The following EXOC4 variants were observed in gnomAD, a reference collection of about 807,000 sequenced individuals.
The protein encoded by EXOC4 is exocyst complex component 4.
EXOC4 carries 71 observed loss-of-function variants against 107.2 expected under a neutral mutation model. The ratio of observed to expected loss-of-function variants is 0.66; its 90% CI spans 0.55 to 0.81. The LOEUF (loss-of-function observed/expected upper bound fraction) is 0.81. Among genes scored for constraint, EXOC4 ranks in the 30% least tolerant of loss-of-function variants. EXOC4 has a pLI of 0.00. For synonymous variants in EXOC4, 456 were observed against 441.2 expected, an observed-to-expected ratio of 1.03 and a Z score of -0.42; for missense variants, 1,108 against 1,189.6, an observed-to-expected ratio of 0.93 and a Z score of 1.01.
At chr7:133,847,040 T>C (rs778128871) in intron 11 of EXOC4, among the ~76,000 whole-genome samples, 5 of 152,264 alleles carry the variant, frequency 3.3e-5, no homozygotes, top group Non-Finnish European at 5.9e-5. Flanking sequence ...TAACACATTA[T>C]ACATATTGAT....
At chr7:133,283,320 C>G (rs908457339) in intron 2 of EXOC4, among the ~76,000 whole-genome samples, 11 of 152,240 alleles carry the variant, frequency 7.2e-5, no homozygotes, top group Middle Eastern at 3.4e-3. Context: ...AGTGATCTAC[C>G]CACCTCAGGC....
At chr7:133,340,150 C>T (rs1795624743) in intron 5 of EXOC4, among the ~76,000 whole-genome samples, 1 of 152,136 alleles carries the variant, frequency 6.6e-6, no homozygotes, top group African/African-American at 2.4e-5. Context: ...GTGGGTTTGT[C>T]ATAGATGGCT....
At position 133,481,692 on chromosome 7, in the gene EXOC4, G is replaced by A. The variant is rs377118994; in HGVS notation, c.1417+1554G>A. Among the ~76,000 whole-genome samples the A allele has an allele frequency of 1.3e-3, 202 of 152,336 alleles. 1 individual carries two copies. Among genetic ancestry groups the A allele is most frequent in the Middle Eastern group, 6.8e-3 (2 of 294 alleles). On this transcript the variant is annotated intron_variant, in intron 9 of 17. Transcript: ENST00000253861. ...CCTAGAAGTATGTTTAGGGTATTAG[G>A]AAGAGGAGATTAGCCTACCAACATT...
intron 10 of EXOC4, among the ~76,000 whole-genome samples, chr7:133,781,926 T>C (rs1004096492): frequency 1.1e-4 from 16 of 152,252 alleles, no homozygotes; most frequent in Non-Finnish European, 1.5e-4. Flanking sequence ...AAAAAGTTTT[T>C]ATTGTGTCAG....
At chr7:133,540,342 C>T (rs1010843282) in intron 9 of EXOC4, among the ~76,000 whole-genome samples, 5 of 152,078 alleles carry the variant, frequency 3.3e-5, no homozygotes, top group Non-Finnish European at 7.4e-5. Context: ...TATTTGTCAA[C>T]GAACCACTAA....
At chr7:133,984,416 C>T (rs910131400) in intron 14 of EXOC4, among the ~76,000 whole-genome samples, 1 of 152,144 alleles carries the variant, frequency 6.6e-6, no homozygotes, top group African/African-American at 2.4e-5. Context: ...TCATATCCTT[C>T]CTGGAGCTTT....
chr7:133,714,345 G>C (rs1199190855), intron 10 of EXOC4, among the ~76,000 whole-genome samples: 1 of 152,120 alleles, frequency 6.6e-6, no homozygotes, highest in Non-Finnish European at 1.5e-5. Context: ...TCCATAGTCT[G>C]TATTGTATGT....
chr7:133,422,100 T>G (rs1797620316), intron 7 of EXOC4, among the ~76,000 whole-genome samples: 1 of 152,224 alleles, frequency 6.6e-6, no homozygotes, highest in Admixed American at 6.5e-5. Context: ...TGAGCCCTTT[T>G]GTCCCTGATT....
the EXOC4 span, among the ~76,000 whole-genome samples, chr7:134,075,365 G>A: frequency 1.2e-4 from 19 of 152,160 alleles, no homozygotes; most frequent in Admixed American, 5.2e-4. Context: ...TTACACAGCT[G>A]ATAAAGACAT....
intron 9 of EXOC4, among the ~76,000 whole-genome samples, chr7:133,549,434 G>C (rs2150939914): frequency 6.6e-6 from 1 of 152,144 alleles, no homozygotes; most frequent in East Asian, 1.9e-4. Flanking sequence ...AGAGATGAGG[G>C]AATGATGGCC....
At chr7:133,590,552 C>T (rs1399103871) in intron 9 of EXOC4, among the ~76,000 whole-genome samples, 2 of 152,092 alleles carry the variant, frequency 1.3e-5, no homozygotes, top group Non-Finnish European at 1.5e-5. Context: ...GCTCCACTGG[C>T]AGAGGAGCAG....
intron 6 of EXOC4, among the ~76,000 whole-genome samples, chr7:133,368,097 G>A (rs565674150): frequency 6.6e-6 from 1 of 152,148 alleles, no homozygotes; most frequent in Non-Finnish European, 1.5e-5. Context: ...TCTGGACATT[G>A]GTCCATGTGT....
intron 2 of EXOC4, among the ~76,000 whole-genome samples, chr7:133,285,844 C>CAA (rs1794263810): frequency 6.6e-6 from 1 of 151,656 alleles, no homozygotes; most frequent in South Asian, 2.1e-4. Flanking sequence ...TCTGCAGTCT[C>CAA]AACCTCCTGG....
intron 17 of EXOC4, among the ~76,000 whole-genome samples, chr7:134,058,483 C>T (rs1194895034): frequency 6.6e-6 from 1 of 152,108 alleles, no homozygotes; most frequent in Non-Finnish European, 1.5e-5. Flanking sequence ...AAAGAGGTGA[C>T]AAAATGAAAA....
At chr7:133,968,551 T>A (rs1043759639) in intron 14 of EXOC4, among the ~76,000 whole-genome samples, 1 of 152,236 alleles carries the variant, frequency 6.6e-6, no homozygotes, top group Non-Finnish European at 1.5e-5. Context: ...ACAAAATCTC[T>A]CAACATTTGC....
At chr7:133,425,426 A>ACAAGTG (rs1016184537) in intron 7 of EXOC4, among the ~76,000 whole-genome samples, 1 of 152,072 alleles carries the variant, frequency 6.6e-6, no homozygotes, top group Non-Finnish European at 1.5e-5. Flanking sequence ...AGCTGGGATT[A>ACAAGTG]CAAGTGCACA....
At chr7:133,773,483 T>TTATTATTATTATTATTATTATTATTAG (rs1562991407) in intron 10 of EXOC4, among the ~76,000 whole-genome samples, 2 of 151,144 alleles carry the variant, frequency 1.3e-5, no homozygotes, top group African/African-American at 4.9e-5. Context: ...ATTATTATTA[T>TTATTATTATTATTATTATTATTATTAG]TATTATTATT....
At chr7:133,745,158 A>G (rs10271840) in intron 10 of EXOC4, among the ~76,000 whole-genome samples, 2,611 of 151,694 alleles carry the variant, frequency 0.017, 75 homozygotes, top group African/African-American at 0.059. Flanking sequence ...TGTTGCTTCC[A>G]TTGTCACTCC....
At chr7:134,050,264 C>T (rs1484494777) in intron 17 of EXOC4, among the ~76,000 whole-genome samples, 2 of 152,084 alleles carry the variant, frequency 1.3e-5, no homozygotes, top group Non-Finnish European at 2.9e-5. Context: ...TTTTACGTAA[C>T]AAAAAATATT....
Sources: gnomAD v4.1 joint callset for allele counts (sites outside exome capture counted in the v4.1 genomes callset) on GRCh38, gnomAD v4.1.1 for gene constraint, MANE v1.5 for transcripts, NCBI Gene and HGNC (gene_info 2026-07-23, HGNC 2026-07-21) for gene names.